The following SLC17A1 variants were observed in gnomAD, a reference collection of about 807,000 sequenced individuals.
SLC17A1 encodes solute carrier family 17 member 1.
SLC17A1 carries 51 observed loss-of-function variants against 53.5 expected under a neutral mutation model. The observed-to-expected ratio is 0.95, with a 90% CI of 0.76 to 1.20. The LOEUF is 1.20. SLC17A1 is among the 50% of genes most tolerant of loss of function. The probability of loss-of-function intolerance (pLI) is 0.00; values close to 1 mark genes in which losing one functional copy is unlikely to be tolerated. For missense variants in SLC17A1, 538 were observed against 568.2 expected (o/e 0.95, Z 0.54); for synonymous variants, 179 against 198.8 (o/e 0.90, Z 0.84).
At chr6:25,773,124 C>T in the SLC17A1 span, 1 of 686,864 alleles carries the variant, frequency 1.5e-6, no homozygotes, top group East Asian at 2.5e-5. Context: ...GAGGAAGTAC[C>T]CTCCCCCATG....
chr6:25,817,732 G>A (rs1316961378), intron 6 of SLC17A1, among the ~76,000 whole-genome samples: 5 of 152,144 alleles, frequency 3.3e-5, no homozygotes, highest in Non-Finnish European at 5.9e-5. Flanking sequence ...CCCCTGCTCC[G>A]CCGTAATTTC....
the SLC17A1 span, among the ~76,000 whole-genome samples, chr6:25,770,680 C>A: frequency 6.6e-6 from 1 of 152,148 alleles, no homozygotes; most frequent in South Asian, 2.1e-4. Context: ...CACATATTTT[C>A]ATCTTATCCT....
In SLC17A1 at chr6:25,798,887, G is replaced by A; in HGVS notation, c.1302C>T (p.Ile434=). The A allele has an allele frequency of 2.5e-6, 4 of 1,601,922 alleles. No individual in the cohort carries two copies. The highest frequency in any genetic ancestry group is 3.4e-6 in the Non-Finnish European group (4 of 1,171,638). Residue 434 remains isoleucine (I), a synonymous_variant, in exon 12 of 13, where the codon ATC becomes ATT. Transcript: ENST00000244527. Reference sequence around the variant, plus strand: ...CAGTCACATTAATGGCTGCCATCAGGATGAAGGTTTTAAACCAGGCGGATT... The same window carrying A: ...CAGTCACATTAATGGCTGCCATCAGAATGAAGGTTTTAAACCAGGCGGATT... ...DPESAWFKTF[I]LMAAINVTGL... is the part of the protein sequence containing the mutation.
At chr6:25,741,045 T>TAGGGAAGG in the SLC17A1 span, among the ~76,000 whole-genome samples, 1 of 144,168 alleles carries the variant, frequency 6.9e-6, no homozygotes, top group Admixed American at 7.2e-5. Context: ...GGGAATGAAG[T>TAGGGAAGG]AAGGTTGGTT....
downstream of SLC17A1, chr6:25,777,918 T>C: frequency 6.2e-7 from 1 of 1,605,618 alleles, no homozygotes; most frequent in Non-Finnish European, 8.5e-7. Flanking sequence ...ACCATCTCTC[T>C]CTCTCAGGTA....
the SLC17A1 span, among the ~76,000 whole-genome samples, chr6:25,731,416 C>A: frequency 6.6e-6 from 1 of 152,194 alleles, no homozygotes; most frequent in Non-Finnish European, 1.5e-5. Flanking sequence ...TGGGGAGCTC[C>A]AGGCCTTTTT....
intron 12 of SLC17A1, among the ~76,000 whole-genome samples, chr6:25,791,000 G>C (rs1007384607): frequency 1.3e-5 from 2 of 152,110 alleles, no homozygotes; most frequent in African/African-American, 4.8e-5. Context: ...ATAAAAATCA[G>C]ATTCAGAAAA....
chr6:25,777,789 G>A, the SLC17A1 span: 12 of 663,474 alleles, frequency 1.8e-5, no homozygotes, highest in Non-Finnish European at 3.2e-5. Flanking sequence ...ATCTCCAGAG[G>A]TAAGCACAGA....
intron 1 of SLC17A1, among the ~76,000 whole-genome samples, chr6:25,831,355 C>T (rs1210009498): frequency 1.3e-5 from 2 of 152,110 alleles, no homozygotes; most frequent in Non-Finnish European, 2.9e-5. Flanking sequence ...ATACCAAAGT[C>T]CTGAGATTGG....
chr6:25,798,274 A>G (rs1763646425), intron 12 of SLC17A1, among the ~76,000 whole-genome samples: 1 of 152,222 alleles, frequency 6.6e-6, no homozygotes, highest in East Asian at 1.9e-4. Context: ...AGTTTACATA[A>G]GCAAAGCACA....
At chr6:25,801,680 G>A (rs1029524716) in intron 10 of SLC17A1, among the ~76,000 whole-genome samples, 3 of 152,182 alleles carry the variant, frequency 2.0e-5, no homozygotes, top group African/African-American at 4.8e-5. Flanking sequence ...TCCCTTTTAT[G>A]AGAGGCAGAG....
Position 25,830,607 on chromosome 6 carries a change from A to G in SLC17A1, c.-50T>C, listed in dbSNP as rs777460557. The G allele has an allele frequency of 4.3e-6, 7 of 1,610,722 alleles. No individual in the cohort carries two copies. Among genetic ancestry groups the G allele is most frequent in the East Asian group, 2.2e-5 (1 of 44,848 alleles). On this transcript the variant is annotated splice_region_variant and 5_prime_UTR_variant, in exon 2 of 13. Transcript: ENST00000244527. ...TTGCTGAAGGGTTTTGCCTCCACCCACTGTGAGTGCAAAACACGTTGATGT... is the reference window on the plus strand; with the variant it reads ...TTGCTGAAGGGTTTTGCCTCCACCCGCTGTGAGTGCAAAACACGTTGATGT...
chr6:25,769,124 C>A, the SLC17A1 span: 1 of 1,614,054 alleles, frequency 6.2e-7, no homozygotes, highest in South Asian at 1.1e-5. Context: ...CCAATGCTTC[C>A]ACAGAACGGC....
chr6:25,826,683 A>G, intron 2 of SLC17A1, 50 bp from the exon 3 acceptor site: 1 of 1,384,618 alleles, frequency 7.2e-7, no homozygotes, highest in Middle Eastern at 1.9e-4. Context: ...TGAGATAAAA[A>G]CATACTTTAA....
the SLC17A1 span, among the ~76,000 whole-genome samples, chr6:25,751,844 GA>G: frequency 7.1e-6 from 1 of 141,072 alleles, no homozygotes; most frequent in African/African-American, 2.5e-5. Flanking sequence ...ACGGCAGAAG[GA>G]AAAAGAAAAA....
the SLC17A1 span, chr6:25,726,297 A>T: frequency 6.2e-7 from 1 of 1,614,026 alleles, no homozygotes; most frequent in Non-Finnish European, 8.5e-7. Flanking sequence ...GAATAATGCG[A>T]GTTTTTTTGT....
chr6:25,738,695 C>T, the SLC17A1 span, among the ~76,000 whole-genome samples: 2 of 152,202 alleles, frequency 1.3e-5, no homozygotes, highest in South Asian at 4.2e-4. Flanking sequence ...CAATAAAAAA[C>T]CAAACTATCC....
intron 10 of SLC17A1, among the ~76,000 whole-genome samples, chr6:25,810,788 G>C (rs1340910724): frequency 1.3e-5 from 2 of 152,112 alleles, no homozygotes; most frequent in African/African-American, 2.4e-5. Flanking sequence ...AATGTCAAAA[G>C]AGATATCTGC....
the SLC17A1 span, chr6:25,732,896 A>C: frequency 4.0e-6 from 1 of 248,600 alleles, no homozygotes; most frequent in African/African-American, 2.3e-5. Context: ...AAACAAAAAC[A>C]AAAACAAAAA....
Sources: gnomAD v4.1 joint callset for allele counts (sites outside exome capture counted in the v4.1 genomes callset) on GRCh38, gnomAD v4.1.1 for gene constraint, MANE v1.5 for transcripts, NCBI Gene and HGNC (gene_info 2026-07-23, HGNC 2026-07-21) for gene names.